TAFA5: variants seen among roughly 807,000 people sequenced by gnomAD.
The protein encoded by TAFA5 is chemokine-like protein TAFA-5.
Under a neutral mutation model 15.3 loss-of-function variants are expected in TAFA5, and 6 were observed. That is an observed-to-expected ratio of 0.39 (90% CI 0.21 to 0.77). TAFA5 has a LOEUF of 0.77. Among genes scored for constraint, TAFA5 ranks in the 30% least tolerant of loss-of-function variants. TAFA5 has a pLI of 0.41. For missense variants in TAFA5, 161 were observed against 193.1 expected (o/e 0.83, Z 0.98); for synonymous variants, 103 against 80.7 (o/e 1.28, Z -1.48).
At chr22:48,726,904 G>A (rs894722427) in intron 3 of TAFA5, among the ~76,000 whole-genome samples, 2 of 152,226 alleles carry the variant, frequency 1.3e-5, no homozygotes, top group African/African-American at 2.4e-5. Flanking sequence ...GGGCTCAGAT[G>A]TTCCTCATAG....
chr22:48,528,233 G>T (rs548115395), intron 1 of TAFA5, among the ~76,000 whole-genome samples: 2 of 152,184 alleles, frequency 1.3e-5, no homozygotes, highest in East Asian at 3.9e-4. Context: ...GACAAGCTTC[G>T]AGCGGAGTGA....
intron 1 of TAFA5, among the ~76,000 whole-genome samples, chr22:48,507,110 AGGTG>A (rs1219798011): frequency 1.3e-4 from 20 of 151,728 alleles, no homozygotes; most frequent in African/African-American, 4.8e-4. Flanking sequence ...GAGGAGAAGG[AGGTG>A]GCCGCCAAGG....
chr22:48,729,320 T>TTTTATATTTATTTGTAAATATATAATAA (rs1569096850), intron 3 of TAFA5, among the ~76,000 whole-genome samples: 1 of 83,958 alleles, frequency 1.2e-5, no homozygotes, highest in African/African-American at 4.3e-5. Context: ...ATATATAATA[T>TTTTATATTTATTTGTAAATATATAATAA]TTTTATATTT....
At chr22:48,578,937 C>A (rs1477408114) in intron 1 of TAFA5, among the ~76,000 whole-genome samples, 1 of 152,186 alleles carries the variant, frequency 6.6e-6, no homozygotes, top group Non-Finnish European at 1.5e-5. Context: ...CGCTGTCCAG[C>A]AGGAGGGAGG....
chr22:48,532,078 C>T (rs902191931), intron 1 of TAFA5, among the ~76,000 whole-genome samples: 8 of 152,216 alleles, frequency 5.3e-5, no homozygotes, highest in Non-Finnish European at 8.8e-5. Context: ...TGCTCCTGTG[C>T]ACCCCGCCTG....
chr22:48,695,565 C>T (rs1048508497), intron 2 of TAFA5, among the ~76,000 whole-genome samples: 5 of 152,182 alleles, frequency 3.3e-5, no homozygotes, highest in African/African-American at 1.2e-4. Context: ...CAAAGGAGCA[C>T]CACTTGTGCC....
At chr22:48,577,987 C>T (rs548943044) in intron 1 of TAFA5, among the ~76,000 whole-genome samples, 1 of 152,196 alleles carries the variant, frequency 6.6e-6, no homozygotes, top group Non-Finnish European at 1.5e-5. Context: ...CAGGCAAGCC[C>T]GCGAGGGCTG....
chr22:48,644,592 C>T (rs1926799203), intron 1 of TAFA5, among the ~76,000 whole-genome samples: 1 of 152,224 alleles, frequency 6.6e-6, no homozygotes, highest in African/African-American at 2.4e-5. Flanking sequence ...GGCGGCCTCT[C>T]CAAGTTCCTC....
At chr22:48,504,975 G>T (rs1920979812) in intron 1 of TAFA5, among the ~76,000 whole-genome samples, 1 of 152,190 alleles carries the variant, frequency 6.6e-6, no homozygotes, top group African/African-American at 2.4e-5. Flanking sequence ...GGCCCACTGT[G>T]GATGGGCACT....
intron 2 of TAFA5, among the ~76,000 whole-genome samples, chr22:48,698,416 G>T (rs1371023752): frequency 6.6e-6 from 1 of 151,614 alleles, no homozygotes; most frequent in African/African-American, 2.4e-5. Context: ...TGGTGATAAT[G>T]ATGGTGGTTG....
intron 3 of TAFA5, among the ~76,000 whole-genome samples, chr22:48,718,666 C>G (rs1340422304): frequency 6.6e-6 from 1 of 152,200 alleles, no homozygotes; most frequent in Non-Finnish European, 1.5e-5. Context: ...CTGGTCCCAG[C>G]CAGGCTTCCC....
intron 1 of TAFA5, among the ~76,000 whole-genome samples, chr22:48,561,693 G>A (rs895698933): frequency 6.6e-6 from 1 of 152,318 alleles, no homozygotes; most frequent in Admixed American, 6.5e-5. Context: ...ATGCCCATTG[G>A]GGGTCATGGG....
chr22:48,504,774 C>T (rs1396005030), intron 1 of TAFA5, among the ~76,000 whole-genome samples: 2 of 152,210 alleles, frequency 1.3e-5, no homozygotes, highest in Non-Finnish European at 2.9e-5. Context: ...TTCCTAGTGT[C>T]CTGGGATGGC....
At position 48,602,934 on chromosome 22, in the gene TAFA5, G is replaced by A. The variant is rs560696836; in HGVS notation, c.113-43663G>A. 4.6e-5 allele frequency among the ~76,000 whole-genome samples: 7 copies of A among 152,314 alleles called. No homozygotes were observed. The East Asian group carries it at 7.7e-4, about 17-fold the overall frequency. On this transcript the variant is annotated intron_variant, in intron 1 of 3. Transcript: ENST00000402357. ...CTATGAGGCCGATGCCCCTGAGGCCGAGAGGCCCAGACAGGGACCCCGCAT... is the reference window on the plus strand; with the variant it reads ...CTATGAGGCCGATGCCCCTGAGGCCAAGAGGCCCAGACAGGGACCCCGCAT...
chr22:48,683,484 A>G (rs746597597), intron 2 of TAFA5, among the ~76,000 whole-genome samples: 7 of 152,274 alleles, frequency 4.6e-5, no homozygotes, highest in Non-Finnish European at 7.4e-5. Flanking sequence ...GATGAGGCCA[A>G]GAGGCTCTCT....
chr22:48,520,366 T>A (rs16999307), intron 1 of TAFA5, among the ~76,000 whole-genome samples: 14,289 of 152,292 alleles, frequency 0.094, 811 homozygotes, highest in East Asian at 0.25. Flanking sequence ...TGTTGGCTGC[T>A]TCCATCCTTC....
intron 1 of TAFA5, among the ~76,000 whole-genome samples, chr22:48,583,373 A>T (rs1924170049): frequency 6.7e-6 from 1 of 150,310 alleles, no homozygotes; most frequent in Non-Finnish European, 1.5e-5. Flanking sequence ...CACATACCAC[A>T]CACCACATAC....
chr22:48,691,842 T>C (rs4925407), intron 2 of TAFA5, among the ~76,000 whole-genome samples: 59,442 of 152,066 alleles, frequency 0.39, 12,180 homozygotes, highest in African/African-American at 0.51. Flanking sequence ...GGGCCCCAAC[T>C]GTCTGGGCCC....
intron 1 of TAFA5, among the ~76,000 whole-genome samples, chr22:48,520,323 G>C (rs1921559281): frequency 6.6e-6 from 1 of 152,266 alleles, no homozygotes; most frequent in African/African-American, 2.4e-5. Context: ...GAGGGTCCCA[G>C]TACTGACCCC....
Sources: allele counts gnomAD v4.1 joint callset (sites outside exome capture counted in the v4.1 genomes callset), GRCh38; gene constraint gnomAD v4.1.1; transcripts MANE v1.5; gene names NCBI Gene and HGNC (gene_info 2026-07-23, HGNC 2026-07-21).